MRPL1: variants seen among roughly 807,000 people sequenced by gnomAD.
MRPL1 encodes the protein mitochondrial ribosomal protein L1, also known as large ribosomal subunit protein uL1m.
In MRPL1, 28 loss-of-function variants were observed where a neutral mutation model predicts 38.0. That is an observed-to-expected ratio of 0.74 (90% CI 0.55 to 1.01). The LOEUF (loss-of-function observed/expected upper bound fraction) is 1.01. Ranked by LOEUF, MRPL1 falls within the 50% of genes least tolerant of loss-of-function variation. MRPL1 has a pLI of 0.00. For missense variants in MRPL1, 358 were observed against 389.8 expected (o/e 0.92, Z 0.69); for synonymous variants, 123 against 126.7 (o/e 0.97, Z 0.20).
At chr4:77,912,395 G>A (rs1490927500) in intron 7 of MRPL1, among the ~76,000 whole-genome samples, 1 of 152,110 alleles carries the variant, frequency 6.6e-6, no homozygotes, top group South Asian at 2.1e-4. Context: ...GTACAAAAAT[G>A]TTTCTGTATA....
chr4:77,948,596 A>T (rs1737327728), intron 7 of MRPL1, among the ~76,000 whole-genome samples: 1 of 152,166 alleles, frequency 6.6e-6, no homozygotes, highest in Non-Finnish European at 1.5e-5. Flanking sequence ...ATGCTGTTGG[A>T]TGATGATAAA....
intron 2 of MRPL1, among the ~76,000 whole-genome samples, chr4:77,882,829 T>C (rs1735576291): frequency 6.6e-6 from 1 of 152,256 alleles, no homozygotes; most frequent in South Asian, 2.1e-4. Context: ...TTTTCACTTC[T>C]TTGGGGTGCT....
At chr4:77,886,469 C>T (rs1296205772) in intron 4 of MRPL1, among the ~76,000 whole-genome samples, 1 of 151,198 alleles carries the variant, frequency 6.6e-6, no homozygotes, top group African/African-American at 2.4e-5. Flanking sequence ...CGAGTAGCTG[C>T]GATTACAGGC....
intron 7 of MRPL1, among the ~76,000 whole-genome samples, chr4:77,937,093 C>T (rs1399046632): frequency 6.6e-6 from 1 of 151,918 alleles, no homozygotes; most frequent in African/African-American, 2.4e-5. Context: ...TCATTGCACT[C>T]CAGTCTGGGT....
chr4:77,916,855 A>G (rs1442928094), intron 7 of MRPL1, among the ~76,000 whole-genome samples: 1 of 152,228 alleles, frequency 6.6e-6, no homozygotes, highest in African/African-American at 2.4e-5. Context: ...AATAGAGTAT[A>G]TGTTGAAAAT....
In MRPL1 at chr4:77,908,171, G is replaced by GT. The variant is rs542674089; in HGVS notation, c.671-1085dup. 4.1e-3 allele frequency among the ~76,000 whole-genome samples: 597 copies of GT among 146,430 alleles called. 3 individuals are homozygous for GT. Among genetic ancestry groups the GT allele is most frequent in the Non-Finnish European group, 6.4e-3 (425 of 66,388 alleles). On this transcript the variant is annotated intron_variant, in intron 6 of 8. Coordinates refer to ENST00000315567, the MANE Select transcript of MRPL1 (RefSeq NM_020236.4). ...CACTGCTAAATGTTTCTGCTTTTTA[G>GT]TTTTTTTTTTCTTTCACTTCTTTAT...
intron 7 of MRPL1, among the ~76,000 whole-genome samples, chr4:77,921,574 T>C (rs1167797034): frequency 6.6e-6 from 1 of 152,116 alleles, no homozygotes; most frequent in Non-Finnish European, 1.5e-5. Flanking sequence ...TTCTTCTGGG[T>C]GTTAGAAAAG....
intron 6 of MRPL1, among the ~76,000 whole-genome samples, chr4:77,898,071 A>G (rs1294450119): frequency 6.6e-6 from 1 of 152,130 alleles, no homozygotes; most frequent in Non-Finnish European, 1.5e-5. Context: ...CTTTGGATTT[A>G]CTGTTGCATA....
chr4:77,866,829 C>T (rs995665492), intron 1 of MRPL1, among the ~76,000 whole-genome samples: 2 of 151,322 alleles, frequency 1.3e-5, no homozygotes, highest in African/African-American at 4.9e-5. Flanking sequence ...CTCACTGCAA[C>T]CTCCGCCTCC....
At chr4:77,929,990 T>C (rs769604378) in intron 7 of MRPL1, among the ~76,000 whole-genome samples, 1 of 152,174 alleles carries the variant, frequency 6.6e-6, no homozygotes, top group Non-Finnish European at 1.5e-5. Flanking sequence ...ACAGAATACA[T>C]GGAATAGCTA....
At chr4:77,944,835 T>C (rs1737216256) in intron 7 of MRPL1, among the ~76,000 whole-genome samples, 1 of 152,164 alleles carries the variant, frequency 6.6e-6, no homozygotes, top group Non-Finnish European at 1.5e-5. Context: ...ATTTTCCTTA[T>C]ATAAAGATCA....
At chr4:77,921,642 C>T (rs754679812) in intron 7 of MRPL1, among the ~76,000 whole-genome samples, 6 of 152,102 alleles carry the variant, frequency 3.9e-5, no homozygotes, top group African/African-American at 1.2e-4. Flanking sequence ...GTATTAAATA[C>T]ACAAAGGAAA....
At chr4:77,883,589 T>A in intron 3 of MRPL1, 89 bp downstream of exon 3, 1 of 1,315,084 alleles carries the variant, frequency 7.6e-7, no homozygotes, top group Non-Finnish European at 1.0e-6. Flanking sequence ...TTATTATTAT[T>A]TTTGAGACAG....
intron 5 of MRPL1, among the ~76,000 whole-genome samples, chr4:77,887,599 C>T (rs1320827777): frequency 6.6e-6 from 1 of 152,082 alleles, no homozygotes; most frequent in Non-Finnish European, 1.5e-5. Context: ...AATTATGGCT[C>T]ACTGCAGCCT....
At chr4:77,949,958 T>C in intron 8 of MRPL1, 80 bp downstream of exon 8, 1 of 756,798 alleles carries the variant, frequency 1.3e-6, no homozygotes, top group East Asian at 2.8e-5. Context: ...AAAGTCAAAT[T>C]AACATGCAAG....
At chr4:77,907,226 G>T in intron 6 of MRPL1, 1 of 919,596 alleles carries the variant, frequency 1.1e-6, no homozygotes, top group Non-Finnish European at 1.3e-6. Context: ...TTATGGTATA[G>T]TGGAATATAC....
At chr4:77,889,626 AAGATC>A (rs781538128) in intron 5 of MRPL1, among the ~76,000 whole-genome samples, 3 of 152,208 alleles carry the variant, frequency 2.0e-5, no homozygotes, top group Admixed American at 6.5e-5. Flanking sequence ...AGAAATAACT[AAGATC>A]AGAACAGAAC....
chr4:77,897,336 G>T (rs562067369), intron 6 of MRPL1, among the ~76,000 whole-genome samples: 16 of 152,096 alleles, frequency 1.1e-4, no homozygotes, highest in Admixed American at 5.2e-4. Context: ...CTCCCAAAGT[G>T]CTGGGATTAC....
At chr4:77,943,794 A>G (rs900939188) in intron 7 of MRPL1, among the ~76,000 whole-genome samples, 2 of 151,498 alleles carry the variant, frequency 1.3e-5, no homozygotes, top group African/African-American at 2.4e-5. Flanking sequence ...CACATTTTTT[A>G]TTTCATTAAG....
Sources: gnomAD v4.1 joint callset for allele counts (sites outside exome capture counted in the v4.1 genomes callset) on GRCh38, gnomAD v4.1.1 for gene constraint, MANE v1.5 for transcripts, NCBI Gene and HGNC (gene_info 2026-07-23, HGNC 2026-07-21) for gene names.